The following USP15 variants were observed in gnomAD, a reference collection of about 807,000 sequenced individuals.
USP15 encodes ubiquitin carboxyl-terminal hydrolase 15.
Under a neutral mutation model 127.1 loss-of-function variants are expected in USP15, and 18 were observed. The observed-to-expected ratio is 0.14, with a 90% confidence interval of 0.10 to 0.21. The LOEUF (loss-of-function observed/expected upper bound fraction) is 0.21, where lower values mean the gene tolerates loss of function less well. Among genes scored for constraint, USP15 ranks in the 10% least tolerant of loss-of-function variants. The pLI is 1.00. For synonymous variants in USP15, 364 were observed against 393.7 expected, an observed-to-expected ratio of 0.92 and a Z score of 0.89; for missense variants, 805 against 1,159.9, an observed-to-expected ratio of 0.69 and a Z score of 4.44.
rs545078746 is a variant in USP15, at chr12:62,410,948, A to G, written c.*6573A>G. The G allele has an allele frequency of 6.6e-5, 10 of 151,904 alleles. No homozygotes were observed. The highest frequency in any genetic ancestry group is 2.2e-4 in the African/African-American group (9 of 41,436). 9.4% of individuals were successfully genotyped at this position (151,904 alleles called of 1,614,324 possible). A position where few individuals can be genotyped will look rare whatever the true frequency, so the allele number is the denominator to read the frequency against. ...CTTGAAAATTAAAATTTTATCAGGG[A>G]TATTAGAATCCAATTATATGAGACT... On this transcript the variant is annotated 3_prime_UTR_variant, in exon 22 of 22. Transcript: ENST00000280377.
intron 6 of USP15, among the ~76,000 whole-genome samples, chr12:62,338,940 C>G (rs2065566573): frequency 6.6e-6 from 1 of 152,050 alleles, no homozygotes; most frequent in Non-Finnish European, 1.5e-5. Context: ...TTAGGACTGT[C>G]TTGGCTATAC....
intron 3 of USP15, among the ~76,000 whole-genome samples, chr12:62,306,825 G>C (rs911306228): frequency 6.6e-6 from 1 of 152,042 alleles, no homozygotes; most frequent in African/African-American, 2.4e-5. Context: ...GGCAGCCAAG[G>C]GTGTGACTGT....
chr12:62,282,266 T>G (rs938473093), intron 1 of USP15, among the ~76,000 whole-genome samples: 2 of 152,012 alleles, frequency 1.3e-5, no homozygotes, highest in African/African-American at 4.8e-5. Context: ...AGGTTGAGAC[T>G]ACAGTGAGCT....
At chr12:62,325,179 C>T (rs751504071) in intron 5 of USP15, among the ~76,000 whole-genome samples, 12 of 151,902 alleles carry the variant, frequency 7.9e-5, no homozygotes, top group African/African-American at 1.2e-4. Flanking sequence ...GAAAGATTTT[C>T]GGGTGTTTTA....
At position 62,335,834 on chromosome 12, in the gene USP15, G is replaced by C. The variant is rs1226004375; in HGVS notation, c.683+9901G>C. 4.1e-6 allele frequency: 4 copies of C among 985,048 alleles called. No individual in the cohort carries two copies. The East Asian group carries it at 4.5e-4, about 112-fold the overall frequency. 61.0% of individuals were successfully genotyped at this position (985,048 alleles called of 1,614,324 possible). A position where few individuals can be genotyped will look rare whatever the true frequency, so the allele number is the denominator to read the frequency against. On this transcript the variant is annotated intron_variant, in intron 6 of 21. Coordinates refer to ENST00000280377, the MANE Select transcript of USP15 (RefSeq NM_001252078.2). ...ACCTAGTTTATTTGACCTGTCTTTA[G>C]TATTTCTTTTTGATAACCATCTTCT...
chr12:62,312,986 A>G (rs1049231347), intron 3 of USP15, among the ~76,000 whole-genome samples: 1 of 151,684 alleles, frequency 6.6e-6, no homozygotes, highest in Admixed American at 6.6e-5. Context: ...TGACCTTTTC[A>G]TATAAAAATA....
intron 6 of USP15, among the ~76,000 whole-genome samples, chr12:62,346,887 A>G (rs113037479): frequency 6.6e-6 from 1 of 152,214 alleles, no homozygotes; most frequent in African/African-American, 2.4e-5. Context: ...CATGGTTTCT[A>G]CATGATTTCT....
intron 6 of USP15, among the ~76,000 whole-genome samples, chr12:62,337,155 G>T (rs2137360113): frequency 6.6e-6 from 1 of 152,290 alleles, no homozygotes; most frequent in South Asian, 2.1e-4. Context: ...AGTTTTCCAA[G>T]ATTCTAATTC....
chr12:62,402,722 A>C (rs2067734226), intron 21 of USP15, among the ~76,000 whole-genome samples: 1 of 152,126 alleles, frequency 6.6e-6, no homozygotes, highest in African/African-American at 2.4e-5. Context: ...GTGGCATTCT[A>C]GTTGTTTAGA....
At chr12:62,352,939 G>C (rs770857473) in intron 7 of USP15, among the ~76,000 whole-genome samples, 1 of 151,774 alleles carries the variant, frequency 6.6e-6, no homozygotes, top group Non-Finnish European at 1.5e-5. Flanking sequence ...ATTTATTTTT[G>C]CAAAGTAGCA....
At chr12:62,324,843 T>G (rs2065083877) in intron 5 of USP15, among the ~76,000 whole-genome samples, 1 of 151,964 alleles carries the variant, frequency 6.6e-6, no homozygotes, top group Admixed American at 6.6e-5. Flanking sequence ...AGGCTCTAAA[T>G]GCCAATTTAT....
intron 2 of USP15, among the ~76,000 whole-genome samples, chr12:62,301,886 A>G (rs1012857654): frequency 2.0e-5 from 3 of 152,198 alleles, no homozygotes; most frequent in Admixed American, 2.0e-4. Context: ...ATTAAGTTGG[A>G]TATAACTCAG....
At chr12:62,284,667 TA>T (rs1467544682) in intron 1 of USP15, among the ~76,000 whole-genome samples, 1 of 152,138 alleles carries the variant, frequency 6.6e-6, no homozygotes, top group East Asian at 1.9e-4. Context: ...AATCTCTCAT[TA>T]ACCTTTATCT....
chr12:62,271,077 AG>A (rs2063336255), intron 1 of USP15, among the ~76,000 whole-genome samples: 1 of 152,038 alleles, frequency 6.6e-6, no homozygotes, highest in Non-Finnish European at 1.5e-5. Flanking sequence ...TTAAGAACAT[AG>A]ATAAGTGTGC....
intron 6 of USP15, among the ~76,000 whole-genome samples, chr12:62,337,106 A>T (rs186884349): frequency 6.6e-6 from 1 of 152,174 alleles, no homozygotes; most frequent in East Asian, 1.9e-4. Flanking sequence ...AGAAACGCCT[A>T]AGTATTGGGA....
chr12:62,285,090 G>A (rs2063752209), intron 1 of USP15, among the ~76,000 whole-genome samples: 1 of 152,124 alleles, frequency 6.6e-6, no homozygotes, highest in African/African-American at 2.4e-5. Context: ...AAGGTTTTAA[G>A]AGTTGATTAT....
chr12:62,305,728 T>A (rs959092225), intron 3 of USP15: 1 of 152,200 alleles, frequency 6.6e-6, no homozygotes, highest in African/African-American at 2.4e-5. Flanking sequence ...TAAGTTAAGA[T>A]AATATTCTCT....
At chr12:62,308,296 G>C (rs1312638871) in intron 3 of USP15, among the ~76,000 whole-genome samples, 2 of 152,012 alleles carry the variant, frequency 1.3e-5, no homozygotes, top group Admixed American at 6.6e-5. Context: ...GGGGGCCAGG[G>C]GGTAGACTGT....
At position 62,390,006 on chromosome 12, in the gene USP15, C is replaced by T; in HGVS notation, c.1844+18C>T. ...AGAATGTGGTAAGTGCCAGACAATTCTACATTGACAAAATAAATATGGGAA... is the reference window on the plus strand; with the variant it reads ...AGAATGTGGTAAGTGCCAGACAATTTTACATTGACAAAATAAATATGGGAA... On this transcript the variant is annotated intron_variant, in intron 14 of 21. Coordinates refer to ENST00000280377, the MANE Select transcript of USP15 (RefSeq NM_001252078.2). The T allele has an allele frequency of 6.5e-7, 1 of 1,543,444 alleles. No homozygotes were observed. Among genetic ancestry groups the T allele is most frequent in the Non-Finnish European group, 8.7e-7 (1 of 1,144,684 alleles).
Sources: allele counts gnomAD v4.1 joint callset (sites outside exome capture counted in the v4.1 genomes callset), GRCh38; gene constraint gnomAD v4.1.1; transcripts MANE v1.5; gene names NCBI Gene and HGNC (gene_info 2026-07-23, HGNC 2026-07-21).